The following SBF2 variants were observed in gnomAD, a reference collection of about 807,000 sequenced individuals.
The protein encoded by SBF2 is SET binding factor 2.
Under a neutral mutation model 225.2 loss-of-function variants are expected in SBF2, and 112 were observed. That is an observed-to-expected ratio of 0.50 (90% confidence interval 0.43 to 0.58). The LOEUF is 0.58. SBF2 is among the 20% of genes least tolerant of loss of function. The pLI, the probability that SBF2 is intolerant of heterozygous loss-of-function variation, is 0.00. For synonymous variants in SBF2, 763 were observed against 773.3 expected (o/e 0.99, Z 0.22); for missense variants, 1,996 against 2,206.2 (o/e 0.90, Z 1.91).
chr11:10,194,349 T>A (rs1462013891), intron 1 of SBF2, among the ~76,000 whole-genome samples: 1 of 152,178 alleles, frequency 6.6e-6, no homozygotes, highest in Non-Finnish European at 1.5e-5. Flanking sequence ...AAGAAATTAT[T>A]TAGAGTATAT....
chr11:10,281,913 TG>T (rs1345905877), intron 1 of SBF2, among the ~76,000 whole-genome samples: 1 of 152,214 alleles, frequency 6.6e-6, no homozygotes, highest in Non-Finnish European at 1.5e-5. Context: ...ATTTTGAAGT[TG>T]CCTCTGACTC....
chr11:10,156,626 A>G (rs1271941737), intron 2 of SBF2, among the ~76,000 whole-genome samples: 1 of 152,232 alleles, frequency 6.6e-6, no homozygotes, highest in Non-Finnish European at 1.5e-5. Flanking sequence ...ACATGGACCA[A>G]TCAGCACACA....
chr11:10,213,047 C>CA (rs150317274), intron 1 of SBF2, among the ~76,000 whole-genome samples: 14,111 of 133,880 alleles, frequency 0.11, 891 homozygotes, highest in East Asian at 0.3. Flanking sequence ...GACTCTGTCT[C>CA]AAAAAAAAAA....
intron 2 of SBF2, among the ~76,000 whole-genome samples, chr11:10,163,775 T>C (rs1955846443): frequency 6.6e-6 from 1 of 152,128 alleles, no homozygotes; most frequent in Admixed American, 6.6e-5. Context: ...TCCTGGTATA[T>C]AGTATATGAA....
intron 2 of SBF2, among the ~76,000 whole-genome samples, chr11:10,142,207 G>T (rs541534939): frequency 9.2e-4 from 140 of 152,206 alleles, no homozygotes; most frequent in African/African-American, 2.8e-3. Context: ...CTGAAATACT[G>T]CACAAAAGCT....
intron 9 of SBF2, among the ~76,000 whole-genome samples, chr11:9,998,046 T>G (rs1359956187): frequency 2.0e-5 from 3 of 152,178 alleles, no homozygotes; most frequent in African/African-American, 7.2e-5. Context: ...AAGGAAGGAA[T>G]GTAGAACAAA....
intron 26 of SBF2, among the ~76,000 whole-genome samples, chr11:9,835,839 T>C (rs1325556030): frequency 2.0e-5 from 3 of 152,106 alleles, no homozygotes; most frequent in Non-Finnish European, 4.4e-5. Flanking sequence ...ACTGTGTGAG[T>C]ATGATACCAT....
chr11:9,895,480 A>T (rs114753571), intron 17 of SBF2, among the ~76,000 whole-genome samples: 1 of 152,346 alleles, frequency 6.6e-6, no homozygotes, highest in Non-Finnish European at 1.5e-5. Flanking sequence ...CACTGTGAAC[A>T]TTCCAGAAAG....
intron 2 of SBF2, among the ~76,000 whole-genome samples, chr11:10,063,858 C>CAGAGAGAG (rs1555006975): frequency 1.2e-4 from 17 of 136,156 alleles, no homozygotes; most frequent in Admixed American, 2.3e-4. Flanking sequence ...CACACACACA[C>CAGAGAGAG]AGAGAGAGAG....
chr11:9,839,447 A>G (rs747738551), intron 26 of SBF2, 51 bp downstream of exon 26: 4 of 1,565,688 alleles, frequency 2.6e-6, no homozygotes, highest in South Asian at 1.1e-5. Context: ...AAAGATTCAA[A>G]TAAGAAGAAA....
At chr11:10,204,168 T>C (rs900433298) in intron 1 of SBF2, among the ~76,000 whole-genome samples, 3 of 148,240 alleles carry the variant, frequency 2.0e-5, no homozygotes, top group Admixed American at 1.4e-4. Flanking sequence ...AATATAAGAA[T>C]GACAGCAGAC....
intron 2 of SBF2, among the ~76,000 whole-genome samples, chr11:10,058,444 AAG>A (rs1265288367): frequency 6.6e-6 from 1 of 152,220 alleles, no homozygotes; most frequent in East Asian, 1.9e-4. Context: ...TCTCTCAAAA[AAG>A]ATGGTCAGAC....
At chr11:10,148,812 T>C (rs1955017255) in intron 2 of SBF2, among the ~76,000 whole-genome samples, 1 of 152,176 alleles carries the variant, frequency 6.6e-6, no homozygotes, top group Non-Finnish European at 1.5e-5. Flanking sequence ...TCCCACTGGA[T>C]GTATGAACAT....
At position 9,998,283 on chromosome 11, in the gene SBF2, G is replaced by A. The variant is rs1381069212; in HGVS notation, c.958C>T (p.Gln320Ter). 1 of 1,586,554 alleles carries A rather than the reference G, an allele frequency of 6.3e-7. No homozygotes were observed. Among genetic ancestry groups the A allele is most frequent in the African/African-American group, 1.3e-5 (1 of 74,484 alleles). Residue 320 changes from glutamine (Q) to a stop codon, truncating the protein, a stop_gained, in exon 9 of 40, where the codon CAA (glutamine) becomes TAA (stop). Transcript: ENST00000256190. LOFTEE classifies it high-confidence loss of function. ...SLPEPLLHQT[Q>*]SALSLILHPD... Reference sequence around the variant, plus strand: ...TGTCATACCAAAGAAAGAGCTGATTGAGTCTGATGTAGAAGTGGTTCTGGG... The same window carrying A: ...TGTCATACCAAAGAAAGAGCTGATTAAGTCTGATGTAGAAGTGGTTCTGGG...
At chr11:10,009,730 G>A (rs1590746332) in intron 6 of SBF2, among the ~76,000 whole-genome samples, 1 of 152,194 alleles carries the variant, frequency 6.6e-6, no homozygotes. Context: ...ACGTGTGCAT[G>A]TGTCTTTACA....
chr11:9,940,220 G>A (rs191865824), intron 16 of SBF2, among the ~76,000 whole-genome samples: 12 of 152,174 alleles, frequency 7.9e-5, no homozygotes, highest in Middle Eastern at 3.4e-3. Context: ...TGGCTAACAC[G>A]GTGAAACCCC....
chr11:10,008,078 C>T (rs765307251), intron 6 of SBF2, among the ~76,000 whole-genome samples: 17 of 152,198 alleles, frequency 1.1e-4, no homozygotes, highest in Non-Finnish European at 2.2e-4. Flanking sequence ...ACCCGGGTGG[C>T]TACCCTGTAG....
intron 1 of SBF2, among the ~76,000 whole-genome samples, chr11:10,217,772 C>A (rs1958183445): frequency 6.6e-6 from 1 of 152,154 alleles, no homozygotes; most frequent in South Asian, 2.1e-4. Flanking sequence ...TCTGTTCTCA[C>A]CCTGCTAATA....
chr11:9,982,849 A>T (rs1947017217), intron 13 of SBF2, among the ~76,000 whole-genome samples: 2 of 152,178 alleles, frequency 1.3e-5, no homozygotes, highest in Admixed American at 1.3e-4. Flanking sequence ...GAAGTTTCCG[A>T]CTTTACCTAA....
Sources: gnomAD v4.1 joint callset for allele counts (sites outside exome capture counted in the v4.1 genomes callset) on GRCh38, gnomAD v4.1.1 for gene constraint, MANE v1.5 for transcripts, NCBI Gene and HGNC (gene_info 2026-07-23, HGNC 2026-07-21) for gene names.